The following STAU2 variants were observed in gnomAD, a reference collection of about 807,000 sequenced individuals.
STAU2 encodes double-stranded RNA-binding protein Staufen homolog 2.
In STAU2, 20 loss-of-function variants were observed where a neutral mutation model predicts 65.9. That is an observed-to-expected ratio of 0.30 (90% confidence interval 0.21 to 0.44). The LOEUF is 0.44. Among genes scored for constraint, STAU2 ranks in the 20% least tolerant of loss-of-function variants. STAU2 has a pLI of 1.00. For missense variants in STAU2, 558 were observed against 683.9 expected, an observed-to-expected ratio of 0.82 and a Z score of 2.05; for synonymous variants, 232 against 233.9, an observed-to-expected ratio of 0.99 and a Z score of 0.07.
At chr8:73,479,888 G>C (rs986601695) in intron 13 of STAU2, among the ~76,000 whole-genome samples, 11 of 151,776 alleles carry the variant, frequency 7.2e-5, no homozygotes, top group Admixed American at 5.9e-4. Context: ...ACAAAAAAAA[G>C]CATCCCACAC....
intron 13 of STAU2, among the ~76,000 whole-genome samples, chr8:73,450,975 C>T (rs1400209063): frequency 6.6e-6 from 1 of 152,186 alleles, no homozygotes; most frequent in Non-Finnish European, 1.5e-5. Context: ...ACCCTAATGC[C>T]AGCACATGAG....
chr8:73,525,252 A>G (rs1400124081), intron 13 of STAU2, among the ~76,000 whole-genome samples: 2 of 152,198 alleles, frequency 1.3e-5, no homozygotes, highest in East Asian at 3.8e-4. Flanking sequence ...TTAATATAAA[A>G]ATGTCTTAAT....
intron 13 of STAU2, among the ~76,000 whole-genome samples, chr8:73,492,239 C>G (rs137887925): frequency 5.5e-4 from 84 of 151,942 alleles, no homozygotes; most frequent in African/African-American, 2.0e-3. Flanking sequence ...CAGAAAATTA[C>G]CAGGTATCCA....
At chr8:73,573,876 AT>A (rs202116750) in intron 12 of STAU2, among the ~76,000 whole-genome samples, 5,693 of 152,292 alleles carry the variant, frequency 0.037, 311 homozygotes, top group Admixed American at 0.15. Context: ...ACCAAAAACA[AT>A]GGCAACAAAA....
At chr8:73,509,230 A>G (rs1202809576) in intron 13 of STAU2, among the ~76,000 whole-genome samples, 3 of 152,006 alleles carry the variant, frequency 2.0e-5, no homozygotes, top group African/African-American at 7.2e-5. Context: ...TTTACTTTGC[A>G]TTTCCCTGAT....
intron 13 of STAU2, among the ~76,000 whole-genome samples, chr8:73,545,792 C>T (rs1300856787): frequency 2.0e-5 from 3 of 151,918 alleles, no homozygotes; most frequent in Admixed American, 6.6e-5. Context: ...GGACTCCAGG[C>T]GCCCGCCACC....
chr8:73,619,528 G>A (rs1308319270), intron 6 of STAU2, among the ~76,000 whole-genome samples: 5 of 152,302 alleles, frequency 3.3e-5, no homozygotes, highest in Admixed American at 6.5e-5. Flanking sequence ...TGGATAGAGC[G>A]CATCATGTAA....
intron 13 of STAU2, among the ~76,000 whole-genome samples, chr8:73,542,273 C>A (rs1438344298): frequency 6.6e-6 from 1 of 152,018 alleles, no homozygotes; most frequent in Non-Finnish European, 1.5e-5. Flanking sequence ...AACTGGCTAT[C>A]CTATGAGGAA....
chr8:73,583,149 CTTTT>C (rs111660605), intron 11 of STAU2, among the ~76,000 whole-genome samples: 1 of 141,592 alleles, frequency 7.1e-6, no homozygotes, highest in Non-Finnish European at 1.5e-5. Flanking sequence ...AAAAATAAAT[CTTTT>C]TTTTTTTTTT....
intron 12 of STAU2, among the ~76,000 whole-genome samples, chr8:73,573,992 T>G (rs2128957335): frequency 6.6e-6 from 1 of 152,252 alleles, no homozygotes; most frequent in African/African-American, 2.4e-5. Context: ...AGAAAATTTT[T>G]GCAATCTACC....
At chr8:73,423,142 G>T (rs1170158686) in intron 13 of STAU2, among the ~76,000 whole-genome samples, 1 of 152,192 alleles carries the variant, frequency 6.6e-6, no homozygotes, top group Middle Eastern at 3.2e-3. Context: ...CCCAGTCAAG[G>T]TACAGAATGT....
At chr8:73,746,657 G>T in intron 1 of STAU2, 126 bp downstream of exon 1, 1 of 510,054 alleles carries the variant, frequency 2.0e-6, no homozygotes, top group Non-Finnish European at 2.9e-6. Context: ...GGGAGGCCGC[G>T]AAGGGGGCTG....
chr8:73,437,441 C>G (rs1468703977), intron 13 of STAU2, among the ~76,000 whole-genome samples: 1 of 152,118 alleles, frequency 6.6e-6, no homozygotes, highest in Admixed American at 6.5e-5. Flanking sequence ...AATGCAGTGG[C>G]CACTAGAATC....
intron 1 of STAU2, among the ~76,000 whole-genome samples, chr8:73,741,202 G>T (rs982885612): frequency 6.7e-6 from 1 of 148,742 alleles, no homozygotes; most frequent in African/African-American, 2.5e-5. Context: ...CTACTCGGGA[G>T]GCTGAGGCAG....
chr8:73,450,008 G>A (rs886986391), intron 13 of STAU2, among the ~76,000 whole-genome samples: 15 of 152,244 alleles, frequency 9.9e-5, no homozygotes, highest in African/African-American at 3.6e-4. Flanking sequence ...AAAGGCAGCA[G>A]GATATGCCGG....
chr8:73,587,406 A>G (rs1017767041), intron 11 of STAU2, among the ~76,000 whole-genome samples: 2 of 152,252 alleles, frequency 1.3e-5, no homozygotes, highest in African/African-American at 4.8e-5. Flanking sequence ...TCAACAAAGG[A>G]CAGAGGCCAG....
intron 6 of STAU2, among the ~76,000 whole-genome samples, chr8:73,649,869 T>TTATTTATATATATATATATA (rs71269927): frequency 5.6e-5 from 4 of 71,656 alleles, no homozygotes; most frequent in Admixed American, 1.7e-4. Flanking sequence ...CTATATAATT[T>TTATTTATATATATATATATA]TATATATATA....
At chr8:73,732,704 C>G (rs1286282417) in intron 3 of STAU2, 1 of 152,120 alleles carries the variant, frequency 6.6e-6, no homozygotes, top group African/African-American at 2.4e-5. Flanking sequence ...AATAGAGTTC[C>G]TGGTGCTTGT....
chr8:73,594,201 G>A (rs1811021719), intron 11 of STAU2, among the ~76,000 whole-genome samples: 1 of 152,138 alleles, frequency 6.6e-6, no homozygotes, highest in Non-Finnish European at 1.5e-5. Flanking sequence ...AAGAAAAAGT[G>A]TTGACTAGCC....
Sources: gnomAD v4.1 joint callset for allele counts (sites outside exome capture counted in the v4.1 genomes callset) on GRCh38, gnomAD v4.1.1 for gene constraint, MANE v1.5 for transcripts, NCBI Gene and HGNC (gene_info 2026-07-23, HGNC 2026-07-21) for gene names.